The following NFU1 variants were observed in gnomAD, a reference collection of about 807,000 sequenced individuals.
NFU1 encodes NFU1 iron-sulfur cluster scaffold homolog, mitochondrial.
In NFU1, 30 loss-of-function variants were observed where a neutral mutation model predicts 32.2. The observed-to-expected ratio is 0.93, with a 90% confidence interval of 0.70 to 1.26. The LOEUF (loss-of-function observed/expected upper bound fraction) is 1.26. Ranked by LOEUF, NFU1 falls within the 50% of genes most tolerant of loss-of-function variation. NFU1 has a pLI of 0.00. For synonymous variants in NFU1, 112 were observed against 104.6 expected (o/e 1.07, Z -0.43); for missense variants, 306 against 306.6 (o/e 1.00, Z 0.02).
At chr2:69,426,209 C>A (rs6546518) in intron 2 of NFU1, among the ~76,000 whole-genome samples, 100,928 of 151,832 alleles carry the variant, frequency 0.66, 34,670 homozygotes, top group African/African-American at 0.85. Context: ...TGGCCTCAGG[C>A]GATCCATCCG....
chr2:69,433,887 C>T (rs1416633129), intron 1 of NFU1, among the ~76,000 whole-genome samples: 1 of 152,050 alleles, frequency 6.6e-6, no homozygotes, highest in African/African-American at 2.4e-5. Context: ...GATTCTCCCA[C>T]CTCAGCCTCC....
chr2:69,421,733 A>G (rs1015158019), intron 3 of NFU1, among the ~76,000 whole-genome samples: 2 of 151,774 alleles, frequency 1.3e-5, no homozygotes, highest in African/African-American at 4.8e-5. Context: ...ACATCCGGCT[A>G]ATTTTTTGTA....
chr2:69,402,214 C>A (rs1020982549), intron 6 of NFU1, among the ~76,000 whole-genome samples: 1 of 152,080 alleles, frequency 6.6e-6, no homozygotes, highest in South Asian at 2.1e-4. Context: ...TCATCTTTTG[C>A]GAAGTACCTG....
chr2:69,421,281 GAT>G (rs1324454373), intron 3 of NFU1, among the ~76,000 whole-genome samples: 2 of 151,820 alleles, frequency 1.3e-5, no homozygotes, highest in African/African-American at 4.8e-5. Flanking sequence ...TCTGAGAAGT[GAT>G]ATGTTTAAGA....
upstream of NFU1, chr2:69,437,721 T>C: frequency 1.9e-6 from 1 of 526,514 alleles, no homozygotes; most frequent in Non-Finnish European, 3.5e-6. Flanking sequence ...TTTTAGCTGG[T>C]GCTGGTGCTG....
rs1673014101 is a variant in NFU1 at position 69,415,303 on chromosome 2, T to C, written c.370-4A>G. The C allele has an allele frequency of 5.2e-6, 8 of 1,535,376 alleles. No homozygotes were observed. Among genetic ancestry groups the C allele is most frequent in the Non-Finnish European group, 6.3e-6 (7 of 1,109,558 alleles). Reference sequence around the variant, plus strand: ...TCCAGTCTAATTCTTCATTTTCCTATAAACATTTAAAGGAAAATGCTGTAT... The same window carrying C: ...TCCAGTCTAATTCTTCATTTTCCTACAAACATTTAAAGGAAAATGCTGTAT... On this transcript the variant is annotated splice_polypyrimidine_tract_variant and splice_region_variant and intron_variant, in intron 4 of 7. Transcript: ENST00000410022.
chr2:69,415,800 T>C (rs2104772573), intron 4 of NFU1, among the ~76,000 whole-genome samples: 1 of 152,086 alleles, frequency 6.6e-6, no homozygotes, highest in South Asian at 2.1e-4. Context: ...ATTACAGGCG[T>C]GAGCCACAGC....
In NFU1 at chr2:69,437,357, C is replaced by A; in HGVS notation, c.62+4G>T. The A allele has an allele frequency of 6.2e-7, 1 of 1,606,772 alleles. No homozygotes were observed. Among genetic ancestry groups the A allele is most frequent in the South Asian group, 1.1e-5 (1 of 90,518 alleles). The stretch of plus-strand genomic sequence containing the variant: ...CTATTCGGAGCTCCAGGCTCGTCAC[C>A]TACCGCCTGCGCAGCCCGGCGGCAA... On this transcript the variant is annotated splice_donor_region_variant and intron_variant, in intron 1 of 7. Transcript: ENST00000410022.
chr2:69,423,216 G>GC (rs1177375265), intron 3 of NFU1, among the ~76,000 whole-genome samples: 2 of 110,672 alleles, frequency 1.8e-5, no homozygotes, highest in Admixed American at 9.0e-5. Flanking sequence ...TGTGGGGGGG[G>GC]GCGGGTAGAG....
intron 2 of NFU1, among the ~76,000 whole-genome samples, chr2:69,424,357 C>A (rs1029505290): frequency 3.3e-5 from 5 of 151,306 alleles, no homozygotes; most frequent in African/African-American, 1.2e-4. Context: ...GGCACAATCA[C>A]GGTTCACTAC....
rs574370963 is a variant in NFU1, at chr2:69,406,102, A to G, written c.485-20T>C. The stretch of plus-strand genomic sequence containing the variant: ...CAGATCCTAGAAATAATTACATATA[A>G]AAACATCAAGAGTAGAAATTTTATA... On this transcript the variant is annotated intron_variant, in intron 5 of 7. Transcript: ENST00000410022. 4.1e-6 allele frequency: 6 copies of G among 1,480,740 alleles called. No individual in the cohort carries two copies. The South Asian group carries it at 4.5e-5, about 11-fold the overall frequency. The allele number at this position is 1,480,740 out of a possible 1,614,324, so 91.7% of individuals were successfully genotyped here. A position where few individuals can be genotyped will look rare whatever the true frequency, so the allele number is the denominator to read the frequency against.
At chr2:69,430,222 T>C (rs1673594756) in intron 2 of NFU1, among the ~76,000 whole-genome samples, 1 of 151,914 alleles carries the variant, frequency 6.6e-6, no homozygotes, top group South Asian at 2.1e-4. Flanking sequence ...TCTTCCTTTT[T>C]TTTTTTTTGA....
At position 69,400,468 on chromosome 2, in the gene NFU1, G is replaced by A; in HGVS notation, c.616C>T (p.Leu206Phe). The A allele has an allele frequency of 6.2e-7, 1 of 1,614,112 alleles. No homozygotes were observed. Among genetic ancestry groups the A allele is most frequent in the Non-Finnish European group, 8.5e-7 (1 of 1,179,954 alleles). Residue 206 changes from leucine to phenylalanine, a missense_variant, in exon 7 of 8, where the codon CTC becomes TTC. Transcript: ENST00000410022. ...GGGCAGCTGGTACAAGAACCCTGGA[G>A]TTTCAGCTGTACAATGCCATCTTCA... ...GFEDGIVQLKLQGSCTSCPSS... is the reference protein window; with the variant it reads ...GFEDGIVQLKFQGSCTSCPSS...
At chr2:69,419,225 G>A (rs58300328) in intron 4 of NFU1, among the ~76,000 whole-genome samples, 67,106 of 148,612 alleles carry the variant, frequency 0.45, 15,201 homozygotes, top group African/African-American at 0.52. Flanking sequence ...GGGGGGGGGC[G>A]CCGAGGCAGG....
chr2:69,401,730 G>C (rs1248797069), intron 6 of NFU1, among the ~76,000 whole-genome samples: 2 of 152,188 alleles, frequency 1.3e-5, no homozygotes, highest in African/African-American at 2.4e-5. Flanking sequence ...CAGTGTATGA[G>C]AGTTTCTGTT....
intron 2 of NFU1, among the ~76,000 whole-genome samples, chr2:69,425,792 C>G: frequency 6.6e-6 from 1 of 151,812 alleles, no homozygotes. Flanking sequence ...GGCCCAGGTG[C>G]TTTACATGTA....
intron 2 of NFU1, among the ~76,000 whole-genome samples, chr2:69,427,306 A>G (rs1481232052): frequency 6.6e-6 from 1 of 151,602 alleles, no homozygotes; most frequent in Non-Finnish European, 1.5e-5. Flanking sequence ...AATCACTTGA[A>G]CCTGGGAGGC....
chr2:69,396,486 C>A (rs1672338496), intron 7 of NFU1, among the ~76,000 whole-genome samples, 196 bp from the exon 8 acceptor site: 1 of 152,002 alleles, frequency 6.6e-6, no homozygotes, highest in South Asian at 2.1e-4. Context: ...TAAAAGCAAC[C>A]CCATCTCTAC....
chr2:69,431,927 TG>T lies in NFU1; in HGVS notation c.140del (p.Pro47HisfsTer10). 2 of 1,613,300 alleles carry T rather than the reference TG, an allele frequency of 1.2e-6. No individual in the cohort carries two copies. Among genetic ancestry groups the T allele is most frequent in the Non-Finnish European group, 1.7e-6 (2 of 1,179,322 alleles). Reference sequence around the variant, plus strand: ...CTGGGTGATAAAAGGCTGCAGGTAGTGGGAAAAGTGGTCTTTGTACAAACTG... The same window carrying T: ...CTGGGTGATAAAAGGCTGCAGGTAGTGGAAAAGTGGTCTTTGTACAAACTG... The part of the protein sequence containing the change: ...LHQFVQRPLF[P>X]LPAAFYHPVR... On this transcript the variant is annotated frameshift_variant, in exon 2 of 8. Transcript: ENST00000410022. LOFTEE classifies it high-confidence loss of function.
Sources: allele counts gnomAD v4.1 joint callset (sites outside exome capture counted in the v4.1 genomes callset), GRCh38; gene constraint gnomAD v4.1.1; transcripts MANE v1.5; gene names NCBI Gene and HGNC (gene_info 2026-07-23, HGNC 2026-07-21).